ETS1: variants seen among roughly 807,000 people sequenced by gnomAD.
The protein encoded by ETS1 is protein C-ets-1.
A neutral mutation model predicts 58.6 loss-of-function variants in ETS1; 15 were observed. That is an observed-to-expected ratio of 0.26 (90% confidence interval 0.17 to 0.39). The LOEUF (loss-of-function observed/expected upper bound fraction) is 0.39. Ranked by LOEUF, ETS1 falls within the 10% of genes least tolerant of loss-of-function variation. The pLI is 1.00. For missense variants in ETS1, 417 were observed against 610.5 expected (o/e 0.68, Z 3.34); for synonymous variants, 214 against 218.2 (o/e 0.98, Z 0.17).
chr11:128,528,268 G>C (rs1863837087), intron 3 of ETS1, among the ~76,000 whole-genome samples: 1 of 152,166 alleles, frequency 6.6e-6, no homozygotes, highest in South Asian at 2.1e-4. Context: ...ACAGATCAAT[G>C]GGAGGTCCTC....
chr11:128,547,834 G>T (rs185850495), intron 3 of ETS1, among the ~76,000 whole-genome samples: 1 of 152,202 alleles, frequency 6.6e-6, no homozygotes, highest in East Asian at 1.9e-4. Context: ...CAACTGACTA[G>T]ATCAAGATGT....
chr11:128,556,153 G>A (rs954356054), intron 3 of ETS1, 138 bp downstream of exon 3: 19 of 702,962 alleles, frequency 2.7e-5, no homozygotes, highest in Admixed American at 9.3e-5. Context: ...GAGAAGGCCC[G>A]GGACTTTCCA....
intron 3 of ETS1, among the ~76,000 whole-genome samples, chr11:128,516,220 A>T (rs1016411263): frequency 2.0e-5 from 3 of 152,256 alleles, no homozygotes; most frequent in African/African-American, 7.2e-5. Flanking sequence ...TTTGAAAAAG[A>T]TATCATCAAC....
chr11:128,473,497 T>C (rs1044844541), intron 8 of ETS1, among the ~76,000 whole-genome samples: 15 of 152,250 alleles, frequency 9.9e-5, no homozygotes, highest in African/African-American at 3.6e-4. Context: ...AGATGTTAGC[T>C]TGCCAAAGGT....
At chr11:128,524,578 TTAATC>T (rs113360437) in intron 3 of ETS1, among the ~76,000 whole-genome samples, 1 of 152,266 alleles carries the variant, frequency 6.6e-6, no homozygotes, top group African/African-American at 2.4e-5. Context: ...TCATGTTTCA[TTAATC>T]TAATCAATGT....
At chr11:128,465,302 C>T (rs1200306399) in intron 8 of ETS1, among the ~76,000 whole-genome samples, 3 of 152,194 alleles carry the variant, frequency 2.0e-5, no homozygotes, top group South Asian at 2.1e-4. Context: ...CAGTGAATGC[C>T]TATAAAATAA....
intron 1 of ETS1, among the ~76,000 whole-genome samples, chr11:128,575,518 G>A (rs568596569): frequency 2.0e-5 from 3 of 152,344 alleles, no homozygotes; most frequent in African/African-American, 7.2e-5. Flanking sequence ...CTATGTGCCA[G>A]ACACGGTCCT....
intron 3 of ETS1, among the ~76,000 whole-genome samples, chr11:128,528,811 A>G (rs1863848088): frequency 6.6e-6 from 1 of 152,224 alleles, no homozygotes; most frequent in Admixed American, 6.5e-5. Flanking sequence ...AGGTCTTCGT[A>G]AAGTTTTATT....
intron 2 of ETS1, among the ~76,000 whole-genome samples, chr11:128,566,374 T>C (rs11221351): frequency 0.31 from 46,976 of 152,106 alleles, 8,533 homozygotes; most frequent in Non-Finnish European, 0.41. Flanking sequence ...GACAAGCATG[T>C]TCTCACTGAA....
intron 1 of ETS1, among the ~76,000 whole-genome samples, chr11:128,585,881 T>C (rs933771806): frequency 1.7e-4 from 26 of 152,284 alleles, no homozygotes; most frequent in African/African-American, 5.5e-4. Flanking sequence ...CTGGTTCAAG[T>C]TCTGACCCCA....
chr11:128,526,088 T>A (rs902299054), intron 3 of ETS1: 1 of 147,484 alleles, frequency 6.8e-6, no homozygotes, highest in Admixed American at 7.0e-5. Context: ...GAACACAGAC[T>A]CATTGGCTAT....
intron 3 of ETS1, among the ~76,000 whole-genome samples, chr11:128,516,213 G>C (rs1005717959): frequency 1.3e-5 from 2 of 152,166 alleles, no homozygotes; most frequent in African/African-American, 4.8e-5. Flanking sequence ...CTGAAGTTTT[G>C]AAAAAGATAT....
At position 128,577,928 on chromosome 11, in the gene ETS1, A is replaced by AG. The variant is rs1555091629; in HGVS notation, c.-14-4785_-14-4784insC. Among the ~76,000 whole-genome samples, 14 of 151,596 alleles carry AG rather than the reference A, an allele frequency of 9.2e-5. 1 individual carries two copies. Among genetic ancestry groups the AG allele is most frequent in the Admixed American group, 3.9e-4 (6 of 15,216 alleles). ...CTGCCAAAAAGCCAAAAAAAAAAAA[A>AG]AGAGAGAGAGAGAGAAGATGCTTCT... On this transcript the variant is annotated intron_variant, in intron 1 of 9. Transcript: ENST00000392668.
intron 6 of ETS1, 102 bp from the exon 7 acceptor site, chr11:128,485,173 G>T: frequency 2.0e-6 from 2 of 986,062 alleles, no homozygotes; most frequent in Non-Finnish European, 1.5e-6. Context: ...AAGCTCCTTA[G>T]AGAATAAGGG....
At chr11:128,490,413 AG>A in intron 4 of ETS1, 43 bp downstream of exon 4, 1 of 1,607,406 alleles carries the variant, frequency 6.2e-7, no homozygotes. Context: ...GTCTTCCCAA[AG>A]GGTCTGACCC....
intron 3 of ETS1, among the ~76,000 whole-genome samples, chr11:128,537,351 A>AGAGACTATTAATCCACTAATTCCTACTT (rs1863985821): frequency 6.6e-6 from 1 of 152,146 alleles, no homozygotes; most frequent in African/African-American, 2.4e-5. Flanking sequence ...TGGTGAATAA[A>AGAGACTATTAATCCACTAATTCCTACTT]GAGACTATTA....
intron 1 of ETS1, among the ~76,000 whole-genome samples, chr11:128,581,456 T>C (rs75639758): frequency 0.021 from 3,128 of 152,236 alleles, 117 homozygotes; most frequent in African/African-American, 0.07. Context: ...ATTCAACAAA[T>C]GATCACACTT....
intron 1 of ETS1, among the ~76,000 whole-genome samples, chr11:128,585,033 A>AAG (rs74206864): frequency 2.4e-3 from 10 of 4,246 alleles, no homozygotes; most frequent in African/African-American, 4.9e-3. Context: ...GAAAGAAAGA[A>AAG]AAGAAAGAAA....
chr11:128,502,287 C>G (rs1048582158), intron 3 of ETS1, among the ~76,000 whole-genome samples: 5 of 152,180 alleles, frequency 3.3e-5, no homozygotes, highest in African/African-American at 1.2e-4. Context: ...TTCTCTTAAG[C>G]TTGCTTGCCT....
Sources: allele counts gnomAD v4.1 joint callset (sites outside exome capture counted in the v4.1 genomes callset), GRCh38; gene constraint gnomAD v4.1.1; transcripts MANE v1.5; gene names NCBI Gene and HGNC (gene_info 2026-07-23, HGNC 2026-07-21).